Variants in COL22A1 observed in about 807,000 individuals in gnomAD.
The protein encoded by COL22A1 is collagen alpha-1(XXII) chain.
Under a neutral mutation model 248.9 loss-of-function variants are expected in COL22A1, and 221 were observed. That is an observed-to-expected ratio of 0.89 (90% confidence interval 0.80 to 0.99). The LOEUF is 0.99. COL22A1 is among the 50% of genes least tolerant of loss of function. COL22A1 has a pLI of 0.00. For synonymous variants in COL22A1, 891 were observed against 793.4 expected, an observed-to-expected ratio of 1.12 and a Z score of -2.07; for missense variants, 2,240 against 2,179.0, an observed-to-expected ratio of 1.03 and a Z score of -0.56.
chr8:138,776,478 G>C (rs1250954469), intron 15 of COL22A1, among the ~76,000 whole-genome samples: 2 of 152,114 alleles, frequency 1.3e-5, no homozygotes, highest in South Asian at 2.1e-4. Context: ...GTCACTGTCT[G>C]TCCCCATTGC....
intron 12 of COL22A1, among the ~76,000 whole-genome samples, chr8:138,796,341 G>C (rs1586762945): frequency 7.8e-6 from 1 of 127,478 alleles, no homozygotes; most frequent in Non-Finnish European, 1.7e-5. Context: ...TCTTATTGGG[G>C]TTTCCTTGTA....
At chr8:138,749,627 A>G (rs566903112) in intron 22 of COL22A1, among the ~76,000 whole-genome samples, 1 of 152,348 alleles carries the variant, frequency 6.6e-6, no homozygotes, top group African/African-American at 2.4e-5. Flanking sequence ...TCTCCTAACA[A>G]CACAGCTGAT....
chr8:138,591,358 G>A (rs1316415721), intron 64 of COL22A1, 66 bp downstream of exon 64: 25 of 1,253,270 alleles, frequency 2.0e-5, no homozygotes, highest in South Asian at 6.7e-5. Context: ...GTGGGGCCAC[G>A]GGCAGGGGTG....
chr8:138,747,147 T>C (rs1400567969), intron 22 of COL22A1, among the ~76,000 whole-genome samples: 1 of 152,198 alleles, frequency 6.6e-6, no homozygotes, highest in Non-Finnish European at 1.5e-5. Flanking sequence ...TACTGAAATA[T>C]TTAGAAACAA....
At chr8:138,838,419 G>A (rs192705354) in intron 4 of COL22A1, among the ~76,000 whole-genome samples, 10 of 152,178 alleles carry the variant, frequency 6.6e-5, no homozygotes, top group East Asian at 1.9e-4. Flanking sequence ...AGTCAGGGCC[G>A]GGAACTGCAA....
rs192822883 is a variant in COL22A1 at position 138,692,848 on chromosome 8, T to G, written c.2754+798A>C. 2.0e-5 allele frequency among the ~76,000 whole-genome samples: 3 copies of G among 152,252 alleles called. No individual in the cohort carries two copies. The East Asian group carries it at 5.8e-4, about 30-fold the overall frequency. ...GAGGAGTTGCCATCTGTCCCCACTG[T>G]GGCATCCACACTGGTCACTACCTTG... On this transcript the variant is annotated intron_variant, in intron 35 of 64. Coordinates refer to ENST00000303045, the MANE Select transcript of COL22A1 (RefSeq NM_152888.3).
chr8:138,803,333 G>A (rs182280605), intron 10 of COL22A1, among the ~76,000 whole-genome samples: 2 of 152,134 alleles, frequency 1.3e-5, no homozygotes, highest in Admixed American at 6.5e-5. Flanking sequence ...AAACAGGCAC[G>A]TCATCACGCA....
At chr8:138,725,618 A>G (rs1830238936) in intron 23 of COL22A1, among the ~76,000 whole-genome samples, 178 bp from the exon 24 acceptor site, 1 of 152,216 alleles carries the variant, frequency 6.6e-6, no homozygotes, top group African/African-American at 2.4e-5. Flanking sequence ...AAAGATTGGA[A>G]CCAAAATTTG....
At chr8:138,611,548 A>AT (rs1174061620) in intron 56 of COL22A1, among the ~76,000 whole-genome samples, 3 of 152,056 alleles carry the variant, frequency 2.0e-5, no homozygotes, top group African/African-American at 7.2e-5. Flanking sequence ...CTTTTTACAC[A>AT]TTTTTTCCTA....
chr8:138,635,082 C>T lies in COL22A1; in HGVS notation c.3556-19G>A, dbSNP rs78997462. 6.3e-7 allele frequency: 1 copy of T among 1,590,858 alleles called. No individual in the cohort carries two copies. The highest frequency in any genetic ancestry group is 8.6e-7 in the Non-Finnish European group (1 of 1,168,876). On this transcript the variant is annotated intron_variant, in intron 48 of 64. Transcript: ENST00000303045. ...GATGACCCTAGGAAAACACAAGATG[C>T]AATTCTTTAAAATGACTTGAAAAAT...
chr8:138,845,278 G>C (rs56310782), intron 3 of COL22A1, among the ~76,000 whole-genome samples: 88,367 of 145,504 alleles, frequency 0.61, 26,388 homozygotes, highest in Middle Eastern at 0.77. Context: ...AGGCCAAGAC[G>C]GGGGGGGATC....
chr8:138,695,481 C>T (rs1030603012), intron 32 of COL22A1, among the ~76,000 whole-genome samples: 2 of 152,038 alleles, frequency 1.3e-5, no homozygotes, highest in Non-Finnish European at 1.5e-5. Context: ...AACTACAGGT[C>T]CTCACCATCG....
At chr8:138,669,412 G>A (rs1824817023) in intron 41 of COL22A1, among the ~76,000 whole-genome samples, 1 of 152,178 alleles carries the variant, frequency 6.6e-6, no homozygotes, top group South Asian at 2.1e-4. Flanking sequence ...GTACCAAGAA[G>A]CCTTTCTTGT....
chr8:138,672,855 A>T (rs1475885098), intron 41 of COL22A1, among the ~76,000 whole-genome samples: 1 of 152,220 alleles, frequency 6.6e-6, no homozygotes, highest in Non-Finnish European at 1.5e-5. Context: ...CCTGGGTTAC[A>T]TGTGGGACCT....
intron 35 of COL22A1, 31 bp downstream of exon 35, chr8:138,693,615 C>A: frequency 6.4e-7 from 1 of 1,565,076 alleles, no homozygotes; most frequent in African/African-American, 1.4e-5. Flanking sequence ...CCGGGGCTCC[C>A]CCACGAGGCA....
intron 30 of COL22A1, among the ~76,000 whole-genome samples, chr8:138,714,279 G>A (rs372541706): frequency 2.6e-5 from 4 of 152,242 alleles, no homozygotes; most frequent in Non-Finnish European, 1.5e-5. Flanking sequence ...TGCAAAACAC[G>A]CTTATGGATA....
At chr8:138,889,651 C>T (rs116139609) in intron 1 of COL22A1, among the ~76,000 whole-genome samples, 1,589 of 152,198 alleles carry the variant, frequency 0.01, 40 homozygotes, top group African/African-American at 0.037. Flanking sequence ...CAGCATGGCA[C>T]GTATACATAT....
chr8:138,616,802 G>A (rs534094824), intron 54 of COL22A1, 112 bp downstream of exon 54: 21 of 1,225,266 alleles, frequency 1.7e-5, no homozygotes, highest in East Asian at 2.3e-5. Flanking sequence ...TGTGCTCCAC[G>A]TCCTCTCTCG....
At chr8:138,702,619 A>C (rs1291189355) in intron 31 of COL22A1, among the ~76,000 whole-genome samples, 1 of 151,996 alleles carries the variant, frequency 6.6e-6, no homozygotes, top group Non-Finnish European at 1.5e-5. Flanking sequence ...AGTGGAAAAA[A>C]AAAAAAGAAA....
Sources: gnomAD v4.1 joint callset for allele counts (sites outside exome capture counted in the v4.1 genomes callset) on GRCh38, gnomAD v4.1.1 for gene constraint, MANE v1.5 for transcripts, NCBI Gene and HGNC (gene_info 2026-07-23, HGNC 2026-07-21) for gene names.